The following RELN variants were observed in gnomAD, a reference collection of about 807,000 sequenced individuals.
RELN encodes the protein reelin.
A neutral mutation model predicts 427.6 loss-of-function variants in RELN; 108 were observed. The observed-to-expected ratio is 0.25, with a 90% CI of 0.22 to 0.30. The LOEUF is 0.30. RELN is among the 10% of genes least tolerant of loss of function. The probability of loss-of-function intolerance (pLI) is 1.00; values close to 1 mark genes in which losing one functional copy is unlikely to be tolerated. For synonymous variants in RELN, 1,524 were observed against 1,513.4 expected (o/e 1.01, Z -0.16); for missense variants, 3,715 against 4,302.8 (o/e 0.86, Z 3.82).
At chr7:103,926,660 T>G (rs1795747644) in intron 1 of RELN, among the ~76,000 whole-genome samples, 1 of 116,796 alleles carries the variant, frequency 8.6e-6, no homozygotes, top group South Asian at 2.9e-4. Context: ...TTTTTTTTTT[T>G]TTGAGACGGA....
chr7:103,550,158 T>A (rs362782), intron 41 of RELN, among the ~76,000 whole-genome samples: 10 of 152,338 alleles, frequency 6.6e-5, no homozygotes, highest in East Asian at 5.8e-4. Context: ...AAAGTTATGC[T>A]GATGATATAA....
chr7:103,643,780 G>A (rs1041872674), intron 16 of RELN, among the ~76,000 whole-genome samples: 20 of 151,908 alleles, frequency 1.3e-4, no homozygotes, highest in Non-Finnish European at 2.2e-4. Flanking sequence ...CATGAATTCT[G>A]TATTCTATTA....
intron 2 of RELN, among the ~76,000 whole-genome samples, chr7:103,839,527 T>C (rs970158120): frequency 1.3e-4 from 20 of 152,114 alleles, no homozygotes; most frequent in Non-Finnish European, 2.5e-4. Flanking sequence ...ATAGAGAACA[T>C]AGTCCTTGCC....
intron 2 of RELN, among the ~76,000 whole-genome samples, chr7:103,880,183 C>G (rs6960198): frequency 0.35 from 52,624 of 151,266 alleles, 9,815 homozygotes; most frequent in Non-Finnish European, 0.43. Context: ...TGTTAACATC[C>G]ACCATCACAA....
chr7:103,701,341 C>G (rs1834087237), intron 8 of RELN, among the ~76,000 whole-genome samples: 1 of 151,976 alleles, frequency 6.6e-6, no homozygotes, highest in Non-Finnish European at 1.5e-5. Context: ...CATTATGGTT[C>G]TTGCAAGTTA....
At chr7:103,830,445 A>G (rs932391890) in intron 3 of RELN, among the ~76,000 whole-genome samples, 7 of 151,966 alleles carry the variant, frequency 4.6e-5, no homozygotes, top group Non-Finnish European at 7.4e-5. Flanking sequence ...TCTTACCTTA[A>G]AAAGTAAAAG....
At chr7:103,490,195 T>C (rs1828601609) in intron 59 of RELN, among the ~76,000 whole-genome samples, 1 of 152,220 alleles carries the variant, frequency 6.6e-6, no homozygotes, top group African/African-American at 2.4e-5. Context: ...GTTTTCCAAA[T>C]CTTTGAGTAA....
At chr7:103,614,653 A>G (rs1832039713) in intron 20 of RELN, among the ~76,000 whole-genome samples, 1 of 152,232 alleles carries the variant, frequency 6.6e-6, no homozygotes, top group African/African-American at 2.4e-5. Context: ...TGCCTATTCT[A>G]GGACTGCTTG....
chr7:103,845,130 G>A (rs1003511351), intron 2 of RELN, among the ~76,000 whole-genome samples: 5 of 141,418 alleles, frequency 3.5e-5, no homozygotes, highest in Admixed American at 7.2e-5. Flanking sequence ...AGGTAGAACC[G>A]TTTTATCAAA....
At chr7:103,476,862 A>C (rs1828053437) in intron 64 of RELN, 1 of 179,140 alleles carries the variant, frequency 5.6e-6, no homozygotes, top group Non-Finnish European at 1.2e-5. Context: ...ATAACCTTAT[A>C]ACTGAAATAA....
rs987328360 is a variant in RELN, at chr7:103,551,252, C to T, written c.6117G>A (p.Val2039=). 3.1e-6 allele frequency: 5 copies of T among 1,614,012 alleles called. No homozygotes were observed. Among genetic ancestry groups the T allele is most frequent in the Non-Finnish European group, 4.2e-6 (5 of 1,180,006 alleles). The change falls in exon 41 of 65, where the codon GTG becomes GTA. Residue 2039 remains valine (V), a synonymous_variant. Coordinates refer to ENST00000428762, the MANE Select transcript of RELN (RefSeq NM_005045.4). ...CSTDSSSADP[V]RLEFSRDFGA... ...CGAAGTCCCTTGAAAATTCCAGTCTCACTGGATCCGCGGATGAGCTATCAG... is the reference window on the plus strand; with the variant it reads ...CGAAGTCCCTTGAAAATTCCAGTCTTACTGGATCCGCGGATGAGCTATCAG...
chr7:103,505,477 C>A (rs1829178382), intron 51 of RELN, among the ~76,000 whole-genome samples: 2 of 152,090 alleles, frequency 1.3e-5, no homozygotes, highest in Non-Finnish European at 2.9e-5. Context: ...AGCAGAGGGG[C>A]CTGACTGCCA....
chr7:103,980,710 A>G (rs1796975797), intron 1 of RELN, among the ~76,000 whole-genome samples: 1 of 152,212 alleles, frequency 6.6e-6, no homozygotes, highest in Admixed American at 6.5e-5. Context: ...ATATGTGTAA[A>G]GCATTTAGCT....
Position 103,874,671 on chromosome 7 carries a change from A to T in RELN, c.338-40999T>A, listed in dbSNP as rs1262004577. On this transcript the variant is annotated intron_variant, in intron 2 of 64. Coordinates refer to ENST00000428762, the MANE Select transcript of RELN (RefSeq NM_005045.4). Reference sequence around the variant, plus strand: ...ACAAGGGATGTGAAGGACCTCTTCAAGGAGAACTACAAATCACTGCTCAAG... The same window carrying T: ...ACAAGGGATGTGAAGGACCTCTTCATGGAGAACTACAAATCACTGCTCAAG... Among the ~76,000 whole-genome samples the T allele has an allele frequency of 7.4e-5, 11 of 148,838 alleles. No individual in the cohort carries two copies. The Middle Eastern group carries it at 0.017, about 235-fold the overall frequency.
intron 1 of RELN, among the ~76,000 whole-genome samples, chr7:103,961,997 A>T (rs1796567118): frequency 1.3e-5 from 2 of 152,170 alleles, no homozygotes; most frequent in Admixed American, 1.3e-4. Flanking sequence ...GGGGTGGAGA[A>T]GCCTTCTCAA....
intron 4 of RELN, among the ~76,000 whole-genome samples, chr7:103,754,947 T>C (rs1791096716): frequency 6.6e-6 from 1 of 152,132 alleles, no homozygotes; most frequent in Non-Finnish European, 1.5e-5. Flanking sequence ...AAAATAATCC[T>C]AATAAAGCTG....
chr7:103,840,071 G>T (rs1200937536), intron 2 of RELN, among the ~76,000 whole-genome samples: 1 of 152,198 alleles, frequency 6.6e-6, no homozygotes, highest in Non-Finnish European at 1.5e-5. Context: ...CACCATGATT[G>T]TAAGTTTCCC....
chr7:103,982,115 G>A (rs1377416775), intron 1 of RELN, among the ~76,000 whole-genome samples: 2 of 152,012 alleles, frequency 1.3e-5, no homozygotes, highest in African/African-American at 2.4e-5. Context: ...ACAGTGAGCC[G>A]AAAAGGTGTC....
chr7:103,918,048 G>C (rs938486515), intron 1 of RELN, among the ~76,000 whole-genome samples: 4 of 152,054 alleles, frequency 2.6e-5, no homozygotes, highest in African/African-American at 9.7e-5. Flanking sequence ...CATCATCCTT[G>C]GTGGCAATAA....
Sources: allele counts gnomAD v4.1 joint callset (sites outside exome capture counted in the v4.1 genomes callset), GRCh38; gene constraint gnomAD v4.1.1; transcripts MANE v1.5; gene names NCBI Gene and HGNC (gene_info 2026-07-23, HGNC 2026-07-21).